Variants in CSMD2 observed in about 807,000 individuals in gnomAD.
The protein encoded by CSMD2 is CUB and sushi domain-containing protein 2.
CSMD2 carries 130 observed loss-of-function variants against 398.5 expected under a neutral mutation model. The ratio of observed to expected loss-of-function variants is 0.33; its 90% CI spans 0.28 to 0.38. The LOEUF (loss-of-function observed/expected upper bound fraction) is 0.38, where lower values mean the gene tolerates loss of function less well. Among genes scored for constraint, CSMD2 ranks in the 10% least tolerant of loss-of-function variants. CSMD2 has a pLI of 1.00. For synonymous variants in CSMD2, 1,828 were observed against 1,908.5 expected (o/e 0.96, Z 1.10); for missense variants, 3,829 against 4,764.9 (o/e 0.80, Z 5.78).
At chr1:33,551,867 T>A (rs1570705930) in intron 55 of CSMD2, among the ~76,000 whole-genome samples, 1 of 152,074 alleles carries the variant, frequency 6.6e-6, no homozygotes, top group African/African-American at 2.4e-5. Flanking sequence ...CTGTTTGGAG[T>A]ACTATGCCAC....
intron 5 of CSMD2, among the ~76,000 whole-genome samples, chr1:33,854,335 T>C (rs533282640): frequency 6.6e-6 from 1 of 152,116 alleles, no homozygotes; most frequent in Non-Finnish European, 1.5e-5. Context: ...TATCACTCAG[T>C]GGAAGAAGGG....
At chr1:33,774,092 A>T (rs1334329142) in intron 12 of CSMD2, among the ~76,000 whole-genome samples, 1 of 149,236 alleles carries the variant, frequency 6.7e-6, no homozygotes, top group Non-Finnish European at 1.5e-5. Flanking sequence ...AGGACAAGGC[A>T]TTCTATGGCT....
chr1:33,664,530 G>A (rs369654253), intron 25 of CSMD2, among the ~76,000 whole-genome samples: 119 of 152,226 alleles, frequency 7.8e-4, no homozygotes, highest in African/African-American at 2.4e-3. Context: ...GGCCAGGAGC[G>A]GTGGCTCATG....
chr1:33,700,842 A>G (rs1008089181), intron 22 of CSMD2, among the ~76,000 whole-genome samples, 169 bp from the exon 23 acceptor site: 1 of 152,230 alleles, frequency 6.6e-6, no homozygotes, highest in African/African-American at 2.4e-5. Flanking sequence ...CTATCAACTG[A>G]GCAAGTTATC....
At chr1:33,779,089 T>G (rs916885471) in intron 12 of CSMD2, among the ~76,000 whole-genome samples, 1 of 152,086 alleles carries the variant, frequency 6.6e-6, no homozygotes, top group Non-Finnish European at 1.5e-5. Flanking sequence ...CACTCAGAAA[T>G]AAAAATATGA....
chr1:34,103,314 TCTGAGCCAGA>T (rs1660181477), intron 1 of CSMD2, among the ~76,000 whole-genome samples: 1 of 114,656 alleles, frequency 8.7e-6, no homozygotes, highest in Non-Finnish European at 1.7e-5. Flanking sequence ...TTTTTTTCTT[TCTGAGCCAGA>T]TTCTCGCTCT....
At chr1:33,837,200 T>C (rs1328619164) in intron 6 of CSMD2, among the ~76,000 whole-genome samples, 2 of 152,086 alleles carry the variant, frequency 1.3e-5, no homozygotes, top group African/African-American at 4.8e-5. Context: ...AATAAGCTCA[T>C]TGAAGAGCTA....
In CSMD2 at chr1:33,810,792, T is replaced by C. The variant is rs368153780; in HGVS notation, c.1397A>G (p.Asp466Gly). ...ITSPNFPIQY[D>G]NNAHCVWIIT... ...GATCCACACACAGTGTGCATTGTTG[T>C]CATACTGAATGGGGAAATTGGGGGA... is the stretch of plus-strand genomic sequence containing the variant. Residue 466 changes from aspartate (D) to glycine (G), a missense_variant, in exon 10 of 71, where the codon GAC becomes GGC. Transcript: ENST00000373381. 6.2e-7 allele frequency: 1 copy of C among 1,612,654 alleles called. No individual in the cohort carries two copies.
At chr1:33,942,702 A>C (rs1242489155) in intron 3 of CSMD2, among the ~76,000 whole-genome samples, 2 of 152,180 alleles carry the variant, frequency 1.3e-5, no homozygotes, top group African/African-American at 2.4e-5. Flanking sequence ...GGAGACTGAA[A>C]AGCTGAGATT....
intron 25 of CSMD2, among the ~76,000 whole-genome samples, chr1:33,673,586 A>G (rs1444901998): frequency 6.6e-6 from 1 of 152,232 alleles, no homozygotes; most frequent in Non-Finnish European, 1.5e-5. Flanking sequence ...GCAGGCCAAC[A>G]TTCAAATTCA....
rs145266495 is a variant in CSMD2, at chr1:34,039,509, T to C, written c.405-6803A>G. The stretch of plus-strand genomic sequence containing the variant: ...TGTTTTCACTTGTAGGTTTTGTTAC[T>C]ACCATTCAGGTATGGTGAGGCCAAC... On this transcript the variant is annotated intron_variant, in intron 2 of 70. Coordinates refer to ENST00000373381, the MANE Select transcript of CSMD2 (RefSeq NM_001281956.2). Among the ~76,000 whole-genome samples, 510 of 152,332 alleles carry C rather than the reference T, an allele frequency of 3.3e-3. 6 individuals carry two copies. The highest frequency in any genetic ancestry group is 0.012 in the African/African-American group (490 of 41,580).
chr1:33,843,264 C>G (rs1661035559), intron 6 of CSMD2, among the ~76,000 whole-genome samples: 1 of 152,354 alleles, frequency 6.6e-6, no homozygotes, highest in East Asian at 1.9e-4. Context: ...CAGTCCGAAG[C>G]AGAGCCCGAC....
intron 2 of CSMD2, among the ~76,000 whole-genome samples, chr1:34,043,558 C>T (rs977100521): frequency 1.4e-4 from 21 of 152,192 alleles, no homozygotes; most frequent in African/African-American, 5.1e-4. Flanking sequence ...ATAACCTTTT[C>T]ACTATATCAC....
intron 3 of CSMD2, among the ~76,000 whole-genome samples, chr1:33,961,201 G>A (rs1232199449): frequency 2.6e-5 from 4 of 152,342 alleles, no homozygotes; most frequent in Non-Finnish European, 4.4e-5. Flanking sequence ...CCCTGCAGGT[G>A]CATCAGTGGG....
intron 43 of CSMD2, among the ~76,000 whole-genome samples, chr1:33,601,256 T>A (rs546531174): frequency 6.6e-6 from 1 of 152,158 alleles, no homozygotes; most frequent in Non-Finnish European, 1.5e-5. Context: ...ACCAGCCCAA[T>A]GGGCTCCTGG....
chr1:33,825,324 A>T (rs1658670835), intron 7 of CSMD2, among the ~76,000 whole-genome samples: 1 of 152,172 alleles, frequency 6.6e-6, no homozygotes, highest in Admixed American at 6.5e-5. Flanking sequence ...AGCCCCCAAG[A>T]TCCCAGCCCA....
chr1:34,135,676 A>G (rs2148510777), intron 1 of CSMD2, among the ~76,000 whole-genome samples: 1 of 151,926 alleles, frequency 6.6e-6, no homozygotes, highest in South Asian at 2.1e-4. Context: ...TAACTTATGA[A>G]ATATCATGTA....
intron 59 of CSMD2, 62 bp downstream of exon 59, chr1:33,541,068 G>A (rs1254061820): frequency 6.6e-7 from 1 of 1,508,356 alleles, no homozygotes; most frequent in African/African-American, 1.4e-5. Flanking sequence ...GATGCTCAGG[G>A]CCTACATCTC....
chr1:34,060,117 G>T (rs1300968649), intron 2 of CSMD2, among the ~76,000 whole-genome samples: 1 of 152,184 alleles, frequency 6.6e-6, no homozygotes, highest in Non-Finnish European at 1.5e-5. Flanking sequence ...AATGGGAAAG[G>T]TCAACAGGAG....
Sources: gnomAD v4.1 joint callset for allele counts (sites outside exome capture counted in the v4.1 genomes callset) on GRCh38, gnomAD v4.1.1 for gene constraint, MANE v1.5 for transcripts, NCBI Gene and HGNC (gene_info 2026-07-23, HGNC 2026-07-21) for gene names.